Variants in FAM53A observed in about 807,000 individuals in gnomAD.
FAM53A encodes family with sequence similarity 53 member A, also known as protein FAM53A.
In FAM53A, 28 loss-of-function variants were observed where a neutral mutation model predicts 26.6. The ratio of observed to expected loss-of-function variants is 1.05; its 90% CI spans 0.78 to 1.45. The LOEUF is 1.45. FAM53A is among the 40% of genes most tolerant of loss of function. The pLI is 0.00. For synonymous variants in FAM53A, 290 were observed against 253.1 expected (o/e 1.15, Z -1.38); for missense variants, 650 against 575.8 (o/e 1.13, Z -1.32).
chr4:1,639,316 A>G (rs530804162), downstream of FAM53A, among the ~76,000 whole-genome samples: 21 of 152,304 alleles, frequency 1.4e-4, 1 homozygote, highest in South Asian at 3.9e-3. Context: ...TACGCAGGTG[A>G]CTGTGGCTTT....
chr4:1,620,266 A>T (rs1714972064), intron 1 of FAM53A, among the ~76,000 whole-genome samples: 1 of 152,000 alleles, frequency 6.6e-6, no homozygotes, highest in Non-Finnish European at 1.5e-5. Flanking sequence ...ATGTCATCTT[A>T]TTTCCCATAA....
At chr4:1,599,947 C>G in the FAM53A span, among the ~76,000 whole-genome samples, 24 of 152,192 alleles carry the variant, frequency 1.6e-4, no homozygotes, top group Non-Finnish European at 1.8e-4. This position sits in a 1 kb window ranked among gnomAD's most constrained non-coding sequence, Gnocchi z 6.1. Context: ...TCTCCTCCCC[C>G]TCCTCCTCTC....
chr4:1,654,267 C>T (rs1017389433), intron 4 of FAM53A, among the ~76,000 whole-genome samples: 3 of 152,220 alleles, frequency 2.0e-5, no homozygotes, highest in African/African-American at 4.8e-5. Flanking sequence ...TCTCCCTCCC[C>T]GAGCGCTGCC....
At chr4:1,671,117 A>C (rs368480548) in intron 1 of FAM53A, among the ~76,000 whole-genome samples, 114 of 121,414 alleles carry the variant, frequency 9.4e-4, no homozygotes, top group African/African-American at 3.2e-3. Flanking sequence ...CGTCAGAGCC[A>C]CCAGCTCACA....
Position 1,619,968 on chromosome 4 carries a change from C to T in FAM53A, c.432-1857G>A, listed in dbSNP as rs375672362. ...CTCACGCCTGTAATCCCAGCACTTT[C>T]GGAGGCTGAGGTGGGCAGATCACAA... On this transcript the variant is annotated intron_variant, in intron 1 of 1. Transcript: ENST00000489029. Among the ~76,000 whole-genome samples, 89 of 151,560 alleles carry T rather than the reference C, an allele frequency of 5.9e-4. 4 individuals carry two copies. The East Asian group carries it at 0.014, about 24-fold the overall frequency.
At chr4:1,684,551 T>TCGACGCCCCGCCCCCC, upstream of FAM53A, among the ~76,000 whole-genome samples, 1 of 150,550 alleles carries the variant, frequency 6.6e-6, no homozygotes, top group Admixed American at 6.6e-5. Context: ...CCCCGCCCCC[T>TCGACGCCCCGCCCCCC]GCGCGCGTGC....
chr4:1,578,411 G>A, the FAM53A span, among the ~76,000 whole-genome samples: 75 of 136,634 alleles, frequency 5.5e-4, no homozygotes, highest in Admixed American at 8.6e-4. Flanking sequence ...ACAGCGGTGC[G>A]TGCGCTAGTG....
At chr4:1,631,654 C>T (rs1242182744) in intron 1 of FAM53A, among the ~76,000 whole-genome samples, 1 of 151,902 alleles carries the variant, frequency 6.6e-6, no homozygotes, top group Non-Finnish European at 1.5e-5. Context: ...AGGCACCCTA[C>T]AGAAGGAAAA....
chr4:1,577,172 C>T, the FAM53A span, among the ~76,000 whole-genome samples: 90,261 of 151,942 alleles, frequency 0.59, 28,063 homozygotes, highest in East Asian at 0.87. Flanking sequence ...GACCACGTGC[C>T]CAGGACATTG....
chr4:1,600,784 G>A, the FAM53A span, among the ~76,000 whole-genome samples: 3 of 152,104 alleles, frequency 2.0e-5, no homozygotes, highest in African/African-American at 7.2e-5. Context: ...AGCCTCCCCG[G>A]CTCAGGCAAT....
chr4:1,681,241 C>T (rs888750305), intron 1 of FAM53A, among the ~76,000 whole-genome samples: 6 of 151,786 alleles, frequency 4.0e-5, no homozygotes, highest in Admixed American at 2.0e-4. Flanking sequence ...GGATTGCAGG[C>T]ACCCGCCACC....
At chr4:1,676,778 C>G (rs1715074641) in intron 1 of FAM53A, among the ~76,000 whole-genome samples, 1 of 152,198 alleles carries the variant, frequency 6.6e-6, no homozygotes, top group Admixed American at 6.5e-5. Flanking sequence ...CAGCCCCACC[C>G]CACACCTCCC....
At chr4:1,633,111 CACAA>C (rs886221671) in intron 1 of FAM53A, among the ~76,000 whole-genome samples, 68 of 152,072 alleles carry the variant, frequency 4.5e-4, no homozygotes, top group African/African-American at 9.1e-4. Flanking sequence ...CACTCATGCT[CACAA>C]ACATAGGTAC....
Position 1,664,909 on chromosome 4 carries a change from C to T in FAM53A, c.75+3758G>A, listed in dbSNP as rs566691413. 6.6e-5 allele frequency among the ~76,000 whole-genome samples: 10 copies of T among 152,194 alleles called. No individual in the cohort carries two copies. The South Asian group carries it at 2.1e-3, about 32-fold the overall frequency. On this transcript the variant is annotated intron_variant, in intron 2 of 4. Transcript: ENST00000308132. ...AGGGGAATCGCTTGAACCCAGGAGG[C>T]GGGGGTTACAGTGAGCCAGGATCGC... is the stretch of plus-strand genomic sequence containing the variant.
At chr4:1,672,227 A>G (rs1714723595) in intron 1 of FAM53A, among the ~76,000 whole-genome samples, 1 of 150,268 alleles carries the variant, frequency 6.7e-6, no homozygotes, top group African/African-American at 2.4e-5. Flanking sequence ...CCAGGAACCC[A>G]TGAACCCAGG....
intron 4 of FAM53A, 107 bp from the exon 5 acceptor site, chr4:1,641,714 C>G: frequency 9.1e-7 from 1 of 1,102,092 alleles, no homozygotes; most frequent in Non-Finnish European, 1.4e-6. Flanking sequence ...TGGCCATCCC[C>G]AAGACCACAC....
rs201084491 is a variant in FAM53A, at chr4:1,668,638, C to G, written c.75+29G>C. ...CTGTGACAGCACGGGGGAGGGGCAC[C>G]CAGCCTGGTGCCACCTGCAGCTGCT... On this transcript the variant is annotated intron_variant, in intron 2 of 4. Transcript: ENST00000308132. 177 of 1,613,536 alleles carry G rather than the reference C, an allele frequency of 1.1e-4. No homozygotes were observed. The East Asian group carries it at 3.9e-3, about 35-fold the overall frequency.
chr4:1,685,378 G>A (rs1464040477), upstream of FAM53A, among the ~76,000 whole-genome samples: 1 of 151,814 alleles, frequency 6.6e-6, no homozygotes, highest in Non-Finnish European at 1.5e-5. Flanking sequence ...ACGGGAGAAA[G>A]AGCTACCTGT....
the FAM53A span, among the ~76,000 whole-genome samples, chr4:1,585,638 T>A: frequency 6.6e-6 from 1 of 152,104 alleles, no homozygotes; most frequent in Non-Finnish European, 1.5e-5. Flanking sequence ...CACACATGAG[T>A]GGATCACGCA....
Sources: allele counts gnomAD v4.1 joint callset (sites outside exome capture counted in the v4.1 genomes callset), GRCh38; gene constraint gnomAD v4.1.1; non-coding constraint Gnocchi (gnomAD v3.1); transcripts MANE v1.5; gene names NCBI Gene and HGNC (gene_info 2026-07-23, HGNC 2026-07-21).